The following PLAGL1 variants were observed in gnomAD, a reference collection of about 807,000 sequenced individuals.
The protein encoded by PLAGL1 is zinc finger protein PLAGL1.
Under a neutral mutation model 4.6 loss-of-function variants are expected in PLAGL1, and 1 was observed. The ratio of observed to expected loss-of-function variants is 0.22; its 90% CI spans 0.08 to 1.03. PLAGL1 has a LOEUF of 1.03. PLAGL1 is among the 50% of genes least tolerant of loss of function. The pLI is 0.58. For missense variants in PLAGL1, 464 were observed against 570.4 expected, an observed-to-expected ratio of 0.81 and a Z score of 1.90; for synonymous variants, 240 against 237.8, an observed-to-expected ratio of 1.01 and a Z score of -0.08.
intron 1 of PLAGL1, among the ~76,000 whole-genome samples, chr6:144,021,889 T>C (rs762893338): frequency 6.6e-5 from 10 of 152,170 alleles, no homozygotes; most frequent in Admixed American, 1.3e-4. Context: ...ATCATAGAAC[T>C]GAAAACTGAA....
rs1781823887 is a variant in PLAGL1, at chr6:143,955,031, A to C, written c.-325+5438T>G. On this transcript the variant is annotated intron_variant, in intron 6 of 7. Coordinates refer to ENST00000674357, the MANE Select transcript of PLAGL1 (RefSeq NM_001317162.2). This position sits in a 1 kb window ranked among gnomAD's most constrained non-coding sequence, Gnocchi z 4.9. ...GGAATCATGGACAGGATATATTCAA[A>C]GATGTGTTTCCTCAGGAATGAATGG... Among the ~76,000 whole-genome samples the C allele has an allele frequency of 6.6e-6, 1 of 152,264 alleles. No homozygotes were observed. Among genetic ancestry groups the C allele is most frequent in the Non-Finnish European group, 1.5e-5 (1 of 68,046 alleles).
chr6:144,026,978 G>A (rs570501091), intron 1 of PLAGL1, among the ~76,000 whole-genome samples: 1 of 152,172 alleles, frequency 6.6e-6, no homozygotes, highest in South Asian at 2.1e-4. Flanking sequence ...TTGGAAGGCC[G>A]AGGCAGGAGG....
intron 1 of PLAGL1, among the ~76,000 whole-genome samples, chr6:144,023,135 A>C (rs545030075): frequency 6.6e-6 from 1 of 152,372 alleles, no homozygotes; most frequent in East Asian, 1.9e-4. Context: ...CAAGTTTGAA[A>C]AGACTACATA....
At chr6:143,967,678 T>C (rs1269408722) in intron 3 of PLAGL1, 1 of 152,166 alleles carries the variant, frequency 6.6e-6, no homozygotes, top group Admixed American at 6.5e-5. Flanking sequence ...AATGAAGTGA[T>C]GAGGGCATTT....
In PLAGL1 at chr6:144,016,617, G is replaced by A. The variant is rs1380374558; in HGVS notation, c.-150-47639C>T. On this transcript the variant is annotated intron_variant, in intron 1 of 3. Transcript: ENST00000437412. The surrounding 1 kb of genome is among the most constrained non-coding windows in gnomAD (Gnocchi z 4.2). Reference sequence around the variant, plus strand: ...TCAATAGTTTTCTACAGTGGAAGGAGGGGAGGTGTTGGAGAATTTTACAAG... The same window carrying A: ...TCAATAGTTTTCTACAGTGGAAGGAAGGGAGGTGTTGGAGAATTTTACAAG... Among the ~76,000 whole-genome samples the A allele has an allele frequency of 6.6e-6, 1 of 152,204 alleles. No homozygotes were observed. Among genetic ancestry groups the A allele is most frequent in the East Asian group, 1.9e-4 (1 of 5,194 alleles).
At chr6:144,019,753 T>C (rs1004348304) in intron 1 of PLAGL1, among the ~76,000 whole-genome samples, 4 of 149,662 alleles carry the variant, frequency 2.7e-5, no homozygotes, top group Non-Finnish European at 5.9e-5. Flanking sequence ...TTCCAGCTTT[T>C]TGTTTTGAAA....
At chr6:143,987,436 G>GTTTTTT (rs1789451407) in intron 1 of PLAGL1, among the ~76,000 whole-genome samples, 22 of 32,186 alleles carry the variant, frequency 6.8e-4, no homozygotes, top group East Asian at 2.9e-3. Flanking sequence ...CACCACACTG[G>GTTTTTT]CTTTTTTTTT....
At chr6:143,944,891 G>T (rs1435315984) in intron 7 of PLAGL1, among the ~76,000 whole-genome samples, 1 of 149,418 alleles carries the variant, frequency 6.7e-6, no homozygotes, top group Non-Finnish European at 1.5e-5. Flanking sequence ...CATCTGATTT[G>T]ATTTCATTTA....
At position 144,061,251 on chromosome 6, in the gene PLAGL1, G is replaced by A. The variant is rs937401238; in HGVS notation, c.-151+3217C>T. On this transcript the variant is annotated intron_variant, in intron 1 of 3. Coordinates refer to the PLAGL1 transcript ENST00000437412. This position sits in a 1 kb window ranked among gnomAD's most constrained non-coding sequence, Gnocchi z 4.4. ...ACGCAGGACTAAATTCCAAAAGGGA[G>A]CCTCTCATTTCACTTCAGTTACCCA... Among the ~76,000 whole-genome samples the A allele has an allele frequency of 3.3e-5, 5 of 152,184 alleles. No homozygotes were observed. The highest frequency in any genetic ancestry group is 7.2e-5 in the African/African-American group (3 of 41,448).
In PLAGL1 at chr6:143,940,532, ATACT is replaced by A. The variant is rs1255676898; in HGVS notation, c.*888_*891del. The A allele has an allele frequency of 6.6e-6, 1 of 152,396 alleles. No individual in the cohort carries two copies. The highest frequency in any genetic ancestry group is 2.4e-5 in the African/African-American group (1 of 41,450). 9.4% of individuals were successfully genotyped at this position (152,396 alleles called of 1,614,324 possible). ...ACTTATTTATTGGTGATTACAAACAATACTTAAGAACTTAAGCAGCTTGAGTAGT... is the reference window on the plus strand; with the variant it reads ...ACTTATTTATTGGTGATTACAAACAATAAGAACTTAAGCAGCTTGAGTAGT... On this transcript the variant is annotated 3_prime_UTR_variant, in exon 8 of 8. Coordinates refer to ENST00000674357, the MANE Select transcript of PLAGL1 (RefSeq NM_001317162.2).
At chr6:144,014,932 T>C (rs374999045) in intron 1 of PLAGL1, among the ~76,000 whole-genome samples, 47 of 152,268 alleles carry the variant, frequency 3.1e-4, no homozygotes, top group African/African-American at 1.1e-3. Context: ...TGGAAAGAGA[T>C]AAATGGTGTG....
In PLAGL1 at chr6:143,948,324, C is replaced by T; in HGVS notation, c.-188G>A. 2 of 565,570 alleles carry T rather than the reference C, an allele frequency of 3.5e-6. No homozygotes were observed. The highest frequency in any genetic ancestry group is 2.2e-5 in the South Asian group (1 of 46,000). 35.0% of individuals were successfully genotyped at this position (565,570 alleles called of 1,614,324 possible). ...GACCTCTCAGCTGTCACTAGCTTTG[C>T]TTCCTGCTTTCACACATCCCAGTTT... On this transcript the variant is annotated 5_prime_UTR_variant, in exon 7 of 8. Coordinates refer to ENST00000674357, the MANE Select transcript of PLAGL1 (RefSeq NM_001317162.2). The surrounding 1 kb of genome is among the most constrained non-coding windows in gnomAD (Gnocchi z 6.0).
chr6:144,040,142 C>T (rs1797610972), intron 1 of PLAGL1, among the ~76,000 whole-genome samples: 1 of 152,190 alleles, frequency 6.6e-6, no homozygotes, highest in Non-Finnish European at 1.5e-5. Flanking sequence ...CTACAGGGAA[C>T]TCCAAAGTTC....
Position 143,979,523 on chromosome 6 carries a change from T to C in PLAGL1, c.-544+5612A>G, listed in dbSNP as rs1787433026. ...ATATCTTCGTGGTTGCTGTAGAGTTTATAGTTATATCTTTAACTTACCATG... is the reference window on the plus strand; with the variant it reads ...ATATCTTCGTGGTTGCTGTAGAGTTCATAGTTATATCTTTAACTTACCATG... On this transcript the variant is annotated intron_variant, in intron 2 of 7. Transcript: ENST00000674357. This position sits in a 1 kb window ranked among gnomAD's most constrained non-coding sequence, Gnocchi z 4.6. Among the ~76,000 whole-genome samples, 1 of 152,118 alleles carries C rather than the reference T, an allele frequency of 6.6e-6. No homozygotes were observed. Among genetic ancestry groups the C allele is most frequent in the South Asian group, 2.1e-4 (1 of 4,836 alleles).
rs17073243 is a variant in PLAGL1 at position 143,948,527 on chromosome 6, C to T, written c.-324-67G>A. On this transcript the variant is annotated intron_variant, in intron 6 of 7. Transcript: ENST00000674357. The surrounding 1 kb of genome is among the most constrained non-coding windows in gnomAD (Gnocchi z 6.0). ...GAAAACAATGCTTTTCCTCCCTGAC[C>T]GCTTCAGAATCAACTACCCACAATC... The T allele has an allele frequency of 1.9e-3, 356 of 186,596 alleles. 5 individuals are homozygous for T. The highest frequency in any genetic ancestry group is 0.014 in the East Asian group (107 of 7,572). 11.6% of individuals were successfully genotyped at this position (186,596 alleles called of 1,614,324 possible). A position where few individuals can be genotyped will look rare whatever the true frequency, so the allele number is the denominator to read the frequency against.
At position 143,968,417 on chromosome 6, in the gene PLAGL1, C is replaced by G. The variant is rs904772463; in HGVS notation, c.-472+490G>C. 6.6e-6 allele frequency: 1 copy of G among 151,226 alleles called. No individual in the cohort carries two copies. The highest frequency in any genetic ancestry group is 1.5e-5 in the Non-Finnish European group (1 of 67,914). The allele number at this position is 151,226 out of a possible 1,614,324, so 9.4% of individuals were successfully genotyped here. On this transcript the variant is annotated intron_variant, in intron 3 of 7. Transcript: ENST00000674357. This position sits in a 1 kb window ranked among gnomAD's most constrained non-coding sequence, Gnocchi z 6.3. ...TTTAGAGACTCTGAATTGTAACATA[C>G]GTTACATTCTAGATATCTGATTCTA...
rs1294393554 is a variant in PLAGL1, at chr6:144,000,503, T to C, written c.-584+7587A>G. The stretch of plus-strand genomic sequence containing the variant: ...ATGTACAAGTCCTTTATTTATATCA[T>C]ATCATTGAAGGACACAAAAAGGACA... On this transcript the variant is annotated intron_variant, in intron 1 of 7. Transcript: ENST00000674357. The surrounding 1 kb of genome is among the most constrained non-coding windows in gnomAD (Gnocchi z 4.1). Among the ~76,000 whole-genome samples, 2 of 152,152 alleles carry C rather than the reference T, an allele frequency of 1.3e-5. No individual in the cohort carries two copies. The highest frequency in any genetic ancestry group is 2.9e-5 in the Non-Finnish European group (2 of 67,984).
In PLAGL1 at chr6:143,997,295, C is replaced by A. The variant is rs769598465; in HGVS notation, c.-584+10795G>T. 6.6e-6 allele frequency among the ~76,000 whole-genome samples: 1 copy of A among 152,108 alleles called. No individual in the cohort carries two copies. The highest frequency in any genetic ancestry group is 1.5e-5 in the Non-Finnish European group (1 of 68,024). The stretch of plus-strand genomic sequence containing the variant: ...TTCTAGTCTCAGATTTGTTCCTTGG[C>A]AAAATACTGCAAATGTCCACCAAAA... On this transcript the variant is annotated intron_variant, in intron 1 of 7. Coordinates refer to ENST00000674357, the MANE Select transcript of PLAGL1 (RefSeq NM_001317162.2). This position sits in a 1 kb window ranked among gnomAD's most constrained non-coding sequence, Gnocchi z 4.6.
At chr6:144,017,163 A>C (rs1177395646) in intron 1 of PLAGL1, among the ~76,000 whole-genome samples, 1 of 152,246 alleles carries the variant, frequency 6.6e-6, no homozygotes, top group Non-Finnish European at 1.5e-5. Flanking sequence ...CTCTAATCAC[A>C]ATATAAATAA....
Sources: allele counts gnomAD v4.1 joint callset (sites outside exome capture counted in the v4.1 genomes callset), GRCh38; gene constraint gnomAD v4.1.1; non-coding constraint Gnocchi (gnomAD v3.1); transcripts MANE v1.5; gene names NCBI Gene and HGNC (gene_info 2026-07-23, HGNC 2026-07-21).